Variants in RASSF3 observed in about 807,000 individuals in gnomAD.
RASSF3 encodes the protein Ras association domain family member 3, also known as ras association domain-containing protein 3.
In RASSF3, 19 loss-of-function variants were observed where a neutral mutation model predicts 19.9. The ratio of observed to expected loss-of-function variants is 0.96; its 90% CI spans 0.67 to 1.40. The LOEUF (loss-of-function observed/expected upper bound fraction) is 1.40. RASSF3 is among the 40% of genes most tolerant of loss of function. The pLI is 0.00. For missense variants in RASSF3, 306 were observed against 289.8 expected, an observed-to-expected ratio of 1.06 and a Z score of -0.41; for synonymous variants, 110 against 104.2, an observed-to-expected ratio of 1.06 and a Z score of -0.34.
intron 2 of RASSF3, among the ~76,000 whole-genome samples, chr12:64,564,052 G>A (rs1869389849): frequency 6.6e-6 from 1 of 152,150 alleles, no homozygotes; most frequent in African/African-American, 2.4e-5. Flanking sequence ...TAGTACCTTT[G>A]ATGTACATGG....
Position 64,693,717 on chromosome 12 carries a change from G to A in RASSF3, c.568-1046G>A, listed in dbSNP as rs140299834. 1.3e-3 allele frequency among the ~76,000 whole-genome samples: 193 copies of A among 152,278 alleles called. 1 individual carries two copies. The highest frequency in any genetic ancestry group is 2.5e-3 in the Non-Finnish European group (167 of 68,018). ...CAAAGTGCTAGGATTATAGGCATGA[G>A]CCACAATGCCCAGCCTAAAAACTTA... On this transcript the variant is annotated intron_variant, in intron 4 of 4. Transcript: ENST00000542104.
chr12:64,669,838 A>G (rs1438013209), intron 1 of RASSF3, among the ~76,000 whole-genome samples: 1 of 149,814 alleles, frequency 6.7e-6, no homozygotes, highest in Non-Finnish European at 1.5e-5. Context: ...CCCTCAGGTT[A>G]TACAAGCAGC....
At chr12:64,561,617 C>T (rs2136125733) in intron 2 of RASSF3, among the ~76,000 whole-genome samples, 1 of 152,126 alleles carries the variant, frequency 6.6e-6, no homozygotes, top group African/African-American at 2.4e-5. Flanking sequence ...GTATAATGCA[C>T]TTCCATAACA....
intron 1 of RASSF3, among the ~76,000 whole-genome samples, chr12:64,624,721 G>A (rs534973679): frequency 2.0e-5 from 3 of 152,156 alleles, no homozygotes; most frequent in South Asian, 2.1e-4. Context: ...GTGCAGTGGC[G>A]CGATCTAGGC....
chr12:64,681,675 T>G (rs1027603316), intron 1 of RASSF3, among the ~76,000 whole-genome samples: 3 of 152,212 alleles, frequency 2.0e-5, no homozygotes, highest in Non-Finnish European at 4.4e-5. Flanking sequence ...CAGCTAATTG[T>G]GGATTGGTAA....
At chr12:64,666,618 T>A (rs1427588212) in intron 1 of RASSF3, among the ~76,000 whole-genome samples, 1 of 152,206 alleles carries the variant, frequency 6.6e-6, no homozygotes, top group Non-Finnish European at 1.5e-5. Flanking sequence ...TGGCTTTACT[T>A]TCTAACAGAA....
At chr12:64,554,231 C>T (rs1869216155) in intron 2 of RASSF3, among the ~76,000 whole-genome samples, 1 of 152,162 alleles carries the variant, frequency 6.6e-6, no homozygotes, top group African/African-American at 2.4e-5. Flanking sequence ...TTCAGATGAG[C>T]ACTGGGCTTA....
At chr12:64,631,298 C>T (rs548993450) in intron 1 of RASSF3, among the ~76,000 whole-genome samples, 297 of 152,214 alleles carry the variant, frequency 2.0e-3, no homozygotes, top group Non-Finnish European at 3.4e-3. Flanking sequence ...TTCAGAAAAG[C>T]CAAGAAGGCC....
At chr12:64,533,229 C>T (rs1321514769), upstream of RASSF3, 1 of 152,240 alleles carries the variant, frequency 6.6e-6, no homozygotes, top group African/African-American at 2.4e-5. Context: ...CATCAGCTGT[C>T]TCTCTGTACT....
At chr12:64,615,679 CTT>C (rs565695135) in intron 1 of RASSF3, among the ~76,000 whole-genome samples, 6 of 142,370 alleles carry the variant, frequency 4.2e-5, no homozygotes, top group Admixed American at 7.1e-5. Context: ...TAGCCTTTTT[CTT>C]TTTTTTTTTT....
chr12:64,511,679 A>G (rs185328506), intron 1 of RASSF3, among the ~76,000 whole-genome samples: 1 of 152,094 alleles, frequency 6.6e-6, no homozygotes, highest in African/African-American at 2.4e-5. Flanking sequence ...CTACCTCTTC[A>G]TTTCTTTTCC....
intron 2 of RASSF3, among the ~76,000 whole-genome samples, chr12:64,579,162 A>C (rs1349164368): frequency 2.0e-5 from 3 of 152,178 alleles, no homozygotes; most frequent in Non-Finnish European, 4.4e-5. Flanking sequence ...ATGGGGTACC[A>C]GCTGAACCTA....
At chr12:64,560,890 C>A (rs1420579864) in intron 2 of RASSF3, among the ~76,000 whole-genome samples, 1 of 152,208 alleles carries the variant, frequency 6.6e-6, no homozygotes, top group African/African-American at 2.4e-5. Context: ...AGGAGACTCT[C>A]AGGCTGCAGT....
At chr12:64,600,156 T>C (rs1309454481) in intron 2 of RASSF3, among the ~76,000 whole-genome samples, 2 of 151,660 alleles carry the variant, frequency 1.3e-5, no homozygotes, top group Non-Finnish European at 2.9e-5. Flanking sequence ...TCTCAGAAGT[T>C]AAAAAAACAA....
intron 2 of RASSF3, among the ~76,000 whole-genome samples, chr12:64,549,814 G>A (rs797022578): frequency 5.3e-5 from 8 of 152,216 alleles, no homozygotes; most frequent in South Asian, 2.1e-4. Flanking sequence ...TGTGTGCCAC[G>A]GATTCAAAGA....
downstream of RASSF3, chr12:64,541,717 T>C: frequency 2.5e-6 from 1 of 398,584 alleles, no homozygotes; most frequent in Middle Eastern, 6.3e-4. Flanking sequence ...TAGGCACTAT[T>C]GGTGCTTGTG....
chr12:64,542,367 T>C (rs1431639002), downstream of RASSF3, among the ~76,000 whole-genome samples: 1 of 152,140 alleles, frequency 6.6e-6, no homozygotes, highest in Non-Finnish European at 1.5e-5. Context: ...GCATGAACAC[T>C]GTGCTGGGGA....
At chr12:64,522,511 C>T (rs138909872) in intron 1 of RASSF3, among the ~76,000 whole-genome samples, 1,666 of 152,236 alleles carry the variant, frequency 0.011, 14 homozygotes, top group South Asian at 0.017. Flanking sequence ...CAAAAGACCA[C>T]GAATGTTACC....
intron 1 of RASSF3, among the ~76,000 whole-genome samples, chr12:64,682,718 G>A (rs2682728): frequency 1.3e-5 from 2 of 152,002 alleles, no homozygotes; most frequent in African/African-American, 4.8e-5. Flanking sequence ...AGCCCCTCCT[G>A]CTGTATTTAC....
Sources: allele counts gnomAD v4.1 joint callset (sites outside exome capture counted in the v4.1 genomes callset), GRCh38; gene constraint gnomAD v4.1.1; transcripts MANE v1.5; gene names NCBI Gene and HGNC (gene_info 2026-07-23, HGNC 2026-07-21).